Variants in KIF13A observed in about 807,000 individuals in gnomAD.
KIF13A encodes the protein kinesin-like protein KIF13A.
Under a neutral mutation model 212.2 loss-of-function variants are expected in KIF13A, and 79 were observed. The observed-to-expected ratio is 0.37, with a 90% confidence interval of 0.31 to 0.45. The LOEUF (loss-of-function observed/expected upper bound fraction) is 0.45. Ranked by LOEUF, KIF13A falls within the 20% of genes least tolerant of loss-of-function variation. The pLI is 1.00. For missense variants in KIF13A, 1,901 were observed against 2,209.0 expected, an observed-to-expected ratio of 0.86 and a Z score of 2.79; for synonymous variants, 789 against 808.6, an observed-to-expected ratio of 0.98 and a Z score of 0.41.
At position 17,787,813 on chromosome 6, in the gene KIF13A, G is replaced by A. The variant is rs778402539; in HGVS notation, c.3324C>T (p.Tyr1108=). Residue 1108 remains tyrosine (Y), a synonymous_variant, in exon 27 of 39, where the codon TAC becomes TAT. Transcript: ENST00000259711. This position sits in a 1 kb window ranked among gnomAD's most constrained non-coding sequence, Gnocchi z 4.6. ...WSDALIKRRE[Y]LDEQIKKVSN... ...TGACTTTTTTTATCTGTTCATCCAG[G>A]TATTCTCGTCGTTTAATGAGTGCAT... The A allele has an allele frequency of 3.1e-6, 5 of 1,613,064 alleles. No homozygotes were observed. Among genetic ancestry groups the A allele is most frequent in the Non-Finnish European group, 4.2e-6 (5 of 1,179,092 alleles).
At chr6:17,955,080 G>A (rs995340357) in intron 2 of KIF13A, among the ~76,000 whole-genome samples, 8 of 152,056 alleles carry the variant, frequency 5.3e-5, no homozygotes, top group East Asian at 1.9e-4. Context: ...TCCTCCTGCC[G>A]CCACCTCCCA....
intron 32 of KIF13A, 99 bp downstream of exon 32, chr6:17,779,493 A>G (rs1760330834): frequency 3.7e-6 from 2 of 540,552 alleles, no homozygotes; most frequent in Non-Finnish European, 6.8e-6. Flanking sequence ...GCTGGTCTCG[A>G]ACTCCCGACC....
chr6:17,839,494 C>T lies in KIF13A; in HGVS notation c.831-1911G>A, dbSNP rs1287131248. 1.3e-5 allele frequency among the ~76,000 whole-genome samples: 2 copies of T among 152,142 alleles called. No individual in the cohort carries two copies. Among genetic ancestry groups the T allele is most frequent in the East Asian group, 3.8e-4 (2 of 5,196 alleles). ...GGAATAAGTTCAGATACATGTATCACAACAACTACAACACGGATGAACCCT... is the reference window on the plus strand; with the variant it reads ...GGAATAAGTTCAGATACATGTATCATAACAACTACAACACGGATGAACCCT... On this transcript the variant is annotated intron_variant, in intron 9 of 38. Coordinates refer to ENST00000259711, the MANE Select transcript of KIF13A (RefSeq NM_022113.6). This position sits in a 1 kb window ranked among gnomAD's most constrained non-coding sequence, Gnocchi z 4.3.
At chr6:17,904,105 C>T (rs961022171) in intron 2 of KIF13A, among the ~76,000 whole-genome samples, 10 of 151,710 alleles carry the variant, frequency 6.6e-5, no homozygotes, top group African/African-American at 2.4e-4. Flanking sequence ...TATAGTGAGC[C>T]ATGATCGTGC....
At chr6:17,765,447 G>A (rs7743113) in intron 38 of KIF13A, among the ~76,000 whole-genome samples, 140,769 of 152,202 alleles carry the variant, frequency 0.92, 65,153 homozygotes, top group East Asian at 1. Flanking sequence ...TTATGGGGGA[G>A]AAGAGAGTAA....
Position 17,963,359 on chromosome 6 carries a change from A to C in KIF13A, c.146+23695T>G, listed in dbSNP as rs1779012811. Among the ~76,000 whole-genome samples, 1 of 152,230 alleles carries C rather than the reference A, an allele frequency of 6.6e-6. No individual in the cohort carries two copies. The highest frequency in any genetic ancestry group is 1.5e-5 in the Non-Finnish European group (1 of 68,042). Reference sequence around the variant, plus strand: ...CTTGAACCTGGGAGGGAGAGGCTGCAGTGAGCTAAGATCGTGCCGTTGCAC... The same window carrying C: ...CTTGAACCTGGGAGGGAGAGGCTGCCGTGAGCTAAGATCGTGCCGTTGCAC... On this transcript the variant is annotated intron_variant, in intron 2 of 38. Transcript: ENST00000259711. This position sits in a 1 kb window ranked among gnomAD's most constrained non-coding sequence, Gnocchi z 4.1.
At position 17,915,944 on chromosome 6, in the gene KIF13A, A is replaced by AAAAAT. The variant is rs1554114873; in HGVS notation, c.147-17765_147-17764insATTTT. Among the ~76,000 whole-genome samples, 7 of 131,626 alleles carry AAAAAT rather than the reference A, an allele frequency of 5.3e-5. No individual in the cohort carries two copies. The highest frequency in any genetic ancestry group is 2.0e-4 in the African/African-American group (7 of 34,288). 86.4% of individuals were successfully genotyped at this position (131,626 alleles called of 152,430 possible). A position where few individuals can be genotyped will look rare whatever the true frequency, so the allele number is the denominator to read the frequency against. On this transcript the variant is annotated intron_variant, in intron 2 of 38. Coordinates refer to ENST00000259711, the MANE Select transcript of KIF13A (RefSeq NM_022113.6). This position sits in a 1 kb window ranked among gnomAD's most constrained non-coding sequence, Gnocchi z 4.4. ...TGACAGAGAGCCAGTCTCAAAAAAA[A>AAAAAT]AAATAAAAATAAAAATAAAATAAAA...
In KIF13A at chr6:17,899,653, G is replaced by A. The variant is rs953560118; in HGVS notation, c.147-1473C>T. 6.6e-6 allele frequency among the ~76,000 whole-genome samples: 1 copy of A among 152,180 alleles called. No individual in the cohort carries two copies. ...CCACGAATTAGTTGAAAGGGAATGA[G>A]CCCTTATTGCCTTATGTCATTCCCT... On this transcript the variant is annotated intron_variant, in intron 2 of 38. Coordinates refer to ENST00000259711, the MANE Select transcript of KIF13A (RefSeq NM_022113.6). The surrounding 1 kb of genome is among the most constrained non-coding windows in gnomAD (Gnocchi z 5.2).
chr6:17,955,627 G>C (rs1778291555), intron 2 of KIF13A, among the ~76,000 whole-genome samples: 1 of 152,202 alleles, frequency 6.6e-6, no homozygotes, highest in Admixed American at 6.5e-5. Context: ...AAGAACAGCA[G>C]TGCAACTAAT....
intron 3 of KIF13A, among the ~76,000 whole-genome samples, chr6:17,891,039 G>C (rs1372954767): frequency 6.6e-6 from 1 of 151,974 alleles, no homozygotes. Flanking sequence ...CACTGAGAAG[G>C]AAAGACACTC....
intron 33 of KIF13A, 74 bp downstream of exon 33, chr6:17,778,873 A>G (rs1201938004): frequency 1.3e-6 from 2 of 1,496,922 alleles, no homozygotes; most frequent in Non-Finnish European, 1.8e-6. Context: ...GGTGTTTGGT[A>G]AGTAAATTCA....
At chr6:17,781,131 G>A (rs1485771486) in intron 30 of KIF13A, 46 bp downstream of exon 30, 5 of 1,610,184 alleles carry the variant, frequency 3.1e-6, no homozygotes, top group Non-Finnish European at 4.2e-6. Flanking sequence ...CACAAGCCTT[G>A]TGTGCTAATC....
chr6:17,785,506 C>A lies in KIF13A; in HGVS notation c.3488+9G>T, dbSNP rs775376885. On this transcript the variant is annotated intron_variant, in intron 28 of 38. Transcript: ENST00000259711. This position sits in a 1 kb window ranked among gnomAD's most constrained non-coding sequence, Gnocchi z 5.8. ...CCCCAGGTCTGCACAGAAGGGAGGG[C>A]AGCCTTACCAGTCGGCAGGTGCCCC... is the stretch of plus-strand genomic sequence containing the variant. The A allele has an allele frequency of 5.8e-6, 9 of 1,551,802 alleles. No individual in the cohort carries two copies. The highest frequency in any genetic ancestry group is 8.7e-7 in the Non-Finnish European group (1 of 1,152,348).
intron 35 of KIF13A, 121 bp downstream of exon 35, chr6:17,774,894 C>CT (rs1025540967): frequency 5.7e-4 from 358 of 628,760 alleles, no homozygotes; most frequent in South Asian, 8.2e-4. Flanking sequence ...TTTTCTTTTT[C>CT]TTTTTTTTTA....
chr6:17,824,472 A>T (rs1324909589), intron 16 of KIF13A, among the ~76,000 whole-genome samples: 4 of 151,976 alleles, frequency 2.6e-5, no homozygotes, highest in Admixed American at 2.6e-4. Context: ...GAAAAACAAA[A>T]TGCTCGGCTG....
At chr6:17,893,072 G>A (rs2150473941) in intron 3 of KIF13A, among the ~76,000 whole-genome samples, 1 of 152,280 alleles carries the variant, frequency 6.6e-6, no homozygotes, top group South Asian at 2.1e-4. Context: ...GCTAACTCCA[G>A]GTAACATGCC....
Position 17,844,015 on chromosome 6 carries a change from A to C in KIF13A, c.830+5362T>G, listed in dbSNP as rs57849362. Among the ~76,000 whole-genome samples the C allele has an allele frequency of 2.7e-4, 41 of 151,068 alleles. 1 individual carries two copies. The East Asian group carries it at 8.0e-3, about 29-fold the overall frequency. On this transcript the variant is annotated intron_variant, in intron 9 of 38. Transcript: ENST00000259711. ...AGCCGAGATCGTGCCACTGTACTCC[A>C]GCCTGGGTGACAGAGTGAGACTCCA... is the stretch of plus-strand genomic sequence containing the variant.
chr6:17,828,350 T>C lies in KIF13A; in HGVS notation c.1422A>G (p.Ala474=). Residue 474 remains alanine, a synonymous_variant, in exon 14 of 39, where the codon GCA becomes GCG. Coordinates refer to ENST00000259711, the MANE Select transcript of KIF13A (RefSeq NM_022113.6). This position sits in a 1 kb window ranked among gnomAD's most constrained non-coding sequence, Gnocchi z 4.3. ...AAAGCTGGATATCTTGAGAGGTATC[T>C]GCACCCACCCTGGTGTGATCCTAGT... is the stretch of plus-strand genomic sequence containing the variant. ...YYLKDHTRVG[A]DTSQDIQLFG... is the part of the protein sequence containing the mutation. The C allele has an allele frequency of 1.2e-6, 2 of 1,611,880 alleles. No homozygotes were observed. Among genetic ancestry groups the C allele is most frequent in the East Asian group, 2.2e-5 (1 of 44,848 alleles).
chr6:17,833,324 G>T (rs1765623577), intron 12 of KIF13A, among the ~76,000 whole-genome samples: 1 of 151,274 alleles, frequency 6.6e-6, no homozygotes, highest in Non-Finnish European at 1.5e-5. Context: ...TAAGACCACA[G>T]CTCTACACAA....
Sources: allele counts gnomAD v4.1 joint callset (sites outside exome capture counted in the v4.1 genomes callset), GRCh38; gene constraint gnomAD v4.1.1; non-coding constraint Gnocchi (gnomAD v3.1); transcripts MANE v1.5; gene names NCBI Gene and HGNC (gene_info 2026-07-23, HGNC 2026-07-21).